Variants in DNAH5 observed in about 807,000 individuals in gnomAD.
DNAH5 encodes dynein axonemal heavy chain 5.
Under a neutral mutation model 518.2 loss-of-function variants are expected in DNAH5, and 372 were observed. The observed-to-expected ratio is 0.72, with a 90% confidence interval of 0.66 to 0.78. The LOEUF (loss-of-function observed/expected upper bound fraction) is 0.78, where lower values mean the gene tolerates loss of function less well. DNAH5 is among the 30% of genes least tolerant of loss of function. The pLI, the probability that DNAH5 is intolerant of heterozygous loss-of-function variation, is 0.00. For synonymous variants in DNAH5, 2,039 were observed against 2,025.9 expected (o/e 1.01, Z -0.17); for missense variants, 5,523 against 5,687.0 (o/e 0.97, Z 0.93).
chr5:13,933,789 CA>C (rs533169329), intron 1 of DNAH5, among the ~76,000 whole-genome samples: 1,730 of 82,326 alleles, frequency 0.021, 22 homozygotes, highest in African/African-American at 0.07. Context: ...GACTCCACCT[CA>C]AAAAAAAAAA....
chr5:13,878,712 A>G (rs1272638178), intron 21 of DNAH5, among the ~76,000 whole-genome samples: 1 of 152,226 alleles, frequency 6.6e-6, no homozygotes, highest in Non-Finnish European at 1.5e-5. Flanking sequence ...TTGAGTAGCC[A>G]GAGACCATGG....
rs369819806 is a variant in DNAH5 at position 13,857,404 on chromosome 5, G to A, written c.4950+2048C>T. 6.2e-4 allele frequency among the ~76,000 whole-genome samples: 94 copies of A among 152,270 alleles called. 2 individuals carry two copies. In the South Asian group the frequency reaches 0.016, roughly 27 times the overall value. The stretch of plus-strand genomic sequence containing the variant: ...AAGAACATTCCATGCTCATGGATAG[G>A]AAGAATCAATATCATAAAAATGGCT... On this transcript the variant is annotated intron_variant, in intron 30 of 78. Coordinates refer to ENST00000265104, the MANE Select transcript of DNAH5 (RefSeq NM_001369.3).
chr5:13,865,353 C>T (rs576814756), intron 27 of DNAH5, among the ~76,000 whole-genome samples: 4 of 152,180 alleles, frequency 2.6e-5, no homozygotes, highest in Non-Finnish European at 5.9e-5. Context: ...TGGGCCCCTG[C>T]TTTTGTTCCA....
chr5:13,780,724 A>C lies in DNAH5; in HGVS notation c.8951+105T>G, dbSNP rs952059618. On this transcript the variant is annotated intron_variant, in intron 53 of 78. Transcript: ENST00000265104. ...AAGTCAACATTCAAGAAGGAAAATGACTGTGACTCTTTATATGTAAGAGAA... is the reference window on the plus strand; with the variant it reads ...AAGTCAACATTCAAGAAGGAAAATGCCTGTGACTCTTTATATGTAAGAGAA... 4.7e-6 allele frequency: 6 copies of C among 1,279,052 alleles called. No individual in the cohort carries two copies. The African/African-American group carries it at 7.3e-5, about 16-fold the overall frequency. 79.2% of individuals were successfully genotyped at this position (1,279,052 alleles called of 1,614,324 possible).
At chr5:13,730,578 G>A (rs1344516158) in intron 68 of DNAH5, among the ~76,000 whole-genome samples, 1 of 151,946 alleles carries the variant, frequency 6.6e-6, no homozygotes, top group Non-Finnish European at 1.5e-5. Context: ...GGGACTACAG[G>A]CACCCGCCAC....
chr5:13,910,614 T>C (rs1775868418), intron 12 of DNAH5, among the ~76,000 whole-genome samples: 3 of 152,196 alleles, frequency 2.0e-5, no homozygotes. Flanking sequence ...ATATTCATTA[T>C]GGTAGATACC....
intron 35 of DNAH5, among the ~76,000 whole-genome samples, chr5:13,839,123 G>A (rs778907741): frequency 4.1e-4 from 63 of 152,162 alleles, no homozygotes; most frequent in Non-Finnish European, 7.5e-4. Flanking sequence ...TCCACACAGT[G>A]TTTACACATT....
At chr5:13,852,098 C>T (rs1375997033) in intron 30 of DNAH5, among the ~76,000 whole-genome samples, 1 of 106 alleles carries the variant, frequency 9.4e-3, no homozygotes, top group Non-Finnish European at 0.023. Flanking sequence ...GTGCCTACCC[C>T]ACAAGGGCCT....
At chr5:13,698,104 C>G (rs1007170098) in intron 78 of DNAH5, among the ~76,000 whole-genome samples, 4 of 152,206 alleles carry the variant, frequency 2.6e-5, no homozygotes, top group African/African-American at 9.7e-5. Flanking sequence ...GTGCCCCTCT[C>G]TGTCTCACAT....
At chr5:13,917,491 T>C (rs1166425092) in intron 7 of DNAH5, among the ~76,000 whole-genome samples, 1 of 152,224 alleles carries the variant, frequency 6.6e-6, no homozygotes, top group East Asian at 1.9e-4. Context: ...ATGCTATGAC[T>C]ATCACAGAGC....
Position 13,777,347 on chromosome 5 carries a change from T to C in DNAH5, c.8960A>G (p.Asn2987Ser). ...SFQITLTRSY[N>S]TSNLMEDLKV... The stretch of plus-strand genomic sequence containing the variant: ...CAGATCTTCCATCAGATTTGATGTG[T>C]TGTAGGATCTAAAGAAATATTTTCA... The change falls in exon 54 of 79, where the codon AAC (asparagine) becomes AGC (serine). Residue 2987 changes from asparagine (N) to serine (S), a missense_variant. Physicochemically the swap from Asn to Ser is conservative, Grantham distance 46. Coordinates refer to ENST00000265104, the MANE Select transcript of DNAH5 (RefSeq NM_001369.3). 1 of 1,613,092 alleles carries C rather than the reference T, an allele frequency of 6.2e-7. No individual in the cohort carries two copies. Among genetic ancestry groups the C allele is most frequent in the South Asian group, 1.1e-5 (1 of 91,050 alleles).
intron 3 of DNAH5, among the ~76,000 whole-genome samples, chr5:13,926,753 C>T (rs867422612): frequency 2.6e-5 from 4 of 152,182 alleles, no homozygotes; most frequent in African/African-American, 7.2e-5. Context: ...TTACATCCTA[C>T]GAACACTTCT....
chr5:13,850,174 A>T (rs550443025), intron 31 of DNAH5, among the ~76,000 whole-genome samples: 1 of 152,344 alleles, frequency 6.6e-6, no homozygotes, highest in African/African-American at 2.4e-5. Flanking sequence ...CCAAAGGAAA[A>T]AAAAACAAAC....
At position 13,708,129 on chromosome 5, in the gene DNAH5, C is replaced by G; in HGVS notation, c.13332G>C (p.Trp4444Cys). The change falls in exon 76 of 79, where the codon TGG becomes TGC. Residue 4444 changes from tryptophan (W) to cysteine (C), a missense_variant. Transcript: ENST00000265104. The stretch of plus-strand genomic sequence containing the variant: ...ACAGCAGGCTTATACGTACTTTTTT[C>G]CACCAAGCAGGGATTCTAGCATCAA... ...CMFDARIPAW[W>C]KKASWISSTL... 6.2e-7 allele frequency: 1 copy of G among 1,614,048 alleles called. No homozygotes were observed. The highest frequency in any genetic ancestry group is 8.5e-7 in the Non-Finnish European group (1 of 1,179,968).
At chr5:13,748,342 G>C (rs988939315) in intron 65 of DNAH5, among the ~76,000 whole-genome samples, 9 of 152,150 alleles carry the variant, frequency 5.9e-5, no homozygotes, top group Admixed American at 2.0e-4. Context: ...TTTGGCTTAG[G>C]ATTGTCTTGG....
At chr5:13,943,022 A>C (rs1218927949) in intron 1 of DNAH5, among the ~76,000 whole-genome samples, 1 of 152,210 alleles carries the variant, frequency 6.6e-6, no homozygotes, top group Non-Finnish European at 1.5e-5. Flanking sequence ...ACTTCAGTGG[A>C]GTGAACCAAA....
Position 13,917,251 on chromosome 5 carries a change from C to A in DNAH5, c.981G>T (p.Trp327Cys). Residue 327 changes from tryptophan to cysteine, a missense_variant, in exon 8 of 79, where the codon TGG becomes TGT. Around this residue, in one of 3 missense-constraint regions of DNAH5, gnomAD observed 5,121 missense variants for 5,223.3 expected, o/e 0.98. Transcript: ENST00000265104. ...CAGTGATTCGAATATCCATCTCCCG[C>A]CAAGTCTAAGCACAATAGGGAAAAG... ...AAAKSKLLKTWREMDIRITDA... is the reference protein window; with the variant it reads ...AAAKSKLLKTCREMDIRITDA... 6.2e-7 allele frequency: 1 copy of A among 1,613,256 alleles called. No homozygotes were observed. Among genetic ancestry groups the A allele is most frequent in the Non-Finnish European group, 8.5e-7 (1 of 1,179,466 alleles).
rs1256773951 is a variant in DNAH5 at position 13,982,184 on chromosome 5, G to C, written c.12+29464C>G. On this transcript the variant is annotated intron_variant, in intron 1 of 78. Coordinates refer to the DNAH5 transcript ENST00000681290. ...AGATCTATACTTTCTCTTATCGTATGACAATAAACTTTCAATTTTTTCCTA... is the reference window on the plus strand; with the variant it reads ...AGATCTATACTTTCTCTTATCGTATCACAATAAACTTTCAATTTTTTCCTA... Among the ~76,000 whole-genome samples, 3 of 152,250 alleles carry C rather than the reference G, an allele frequency of 2.0e-5. No individual in the cohort carries two copies. In the East Asian group the frequency reaches 5.8e-4, roughly 29 times the overall value.
At chr5:13,776,259 G>A (rs905076363) in intron 55 of DNAH5, among the ~76,000 whole-genome samples, 180 bp downstream of exon 55, 5 of 152,162 alleles carry the variant, frequency 3.3e-5, no homozygotes, top group African/African-American at 1.2e-4. Flanking sequence ...CCACTCTTGG[G>A]CTGACAAACC....
Sources: gnomAD v4.1 joint callset for allele counts (sites outside exome capture counted in the v4.1 genomes callset) on GRCh38, gnomAD v4.1.1 for gene constraint, gnomAD v4.1.1 regional missense constraint, MANE v1.5 for transcripts, NCBI Gene and HGNC (gene_info 2026-07-23, HGNC 2026-07-21) for gene names.